The following ADCY3 variants were observed in gnomAD, a reference collection of about 807,000 sequenced individuals.
ADCY3 encodes adenylate cyclase 3.
In ADCY3, 70 loss-of-function variants were observed where a neutral mutation model predicts 119.4. The observed-to-expected ratio is 0.59, with a 90% CI of 0.48 to 0.72. The LOEUF (loss-of-function observed/expected upper bound fraction) is 0.72, where lower values mean the gene tolerates loss of function less well. Among genes scored for constraint, ADCY3 ranks in the 30% least tolerant of loss-of-function variants. The pLI is 0.00. For missense variants in ADCY3, 1,238 were observed against 1,541.6 expected (o/e 0.80, Z 3.30); for synonymous variants, 672 against 621.4 (o/e 1.08, Z -1.21).
rs1430045223 is a variant in ADCY3 at position 24,887,028 on chromosome 2, G to C, written c.676-14309C>G. Among the ~76,000 whole-genome samples the C allele has an allele frequency of 7.2e-5, 11 of 152,194 alleles. No individual in the cohort carries two copies. The East Asian group carries it at 2.1e-3, about 29-fold the overall frequency. On this transcript the variant is annotated intron_variant, in intron 2 of 21. Coordinates refer to ENST00000679454, the MANE Select transcript of ADCY3 (RefSeq NM_004036.5). ...TTTCTTCCTGTATTAGTCCGTTTTT[G>C]TACTGCTATAAATAACTGCCTGTGA...
At position 24,918,190 on chromosome 2, in the gene ADCY3, A is replaced by C. The variant is rs772148150; in HGVS notation, c.675+123T>G. 9.4e-7 allele frequency: 1 copy of C among 1,068,128 alleles called. No homozygotes were observed. The highest frequency in any genetic ancestry group is 2.4e-5 in the East Asian group (1 of 41,308). The allele number at this position is 1,068,128 out of a possible 1,614,324, so 66.2% of individuals were successfully genotyped here. A position where few individuals can be genotyped will look rare whatever the true frequency, so the allele number is the denominator to read the frequency against. On this transcript the variant is annotated intron_variant, in intron 2 of 21. Coordinates refer to ENST00000679454, the MANE Select transcript of ADCY3 (RefSeq NM_004036.5). This position sits in a 1 kb window ranked among gnomAD's most constrained non-coding sequence, Gnocchi z 5.4. ...GGCAGGGACTAGGGAGAGAGGTGAG[A>C]GCCCCGGAGGCCCCCAGGACACATT... is the stretch of plus-strand genomic sequence containing the variant.
Position 24,841,453 on chromosome 2 carries a change from A to G in ADCY3, c.1069-67T>C. ...GTGAGGGAGGAGTGGCCAAGAAAGC[A>G]GAGGAAGGACAGTGGGAGAAAATCA... is the stretch of plus-strand genomic sequence containing the variant. On this transcript the variant is annotated intron_variant, in intron 5 of 21. Transcript: ENST00000679454. The surrounding 1 kb of genome is among the most constrained non-coding windows in gnomAD (Gnocchi z 5.8). 1 of 1,596,498 alleles carries G rather than the reference A, an allele frequency of 6.3e-7. No homozygotes were observed. Among genetic ancestry groups the G allele is most frequent in the Non-Finnish European group, 8.5e-7 (1 of 1,170,112 alleles).
intron 3 of ADCY3, among the ~76,000 whole-genome samples, chr2:24,866,487 GTT>G (rs1674312986): frequency 7.6e-6 from 1 of 131,888 alleles, no homozygotes; most frequent in African/African-American, 2.8e-5. Context: ...TGGGGTGGGA[GTT>G]TTGCTTGAGC....
intron 3 of ADCY3, among the ~76,000 whole-genome samples, chr2:24,863,533 A>AT (rs1481763554): frequency 6.6e-6 from 1 of 152,188 alleles, no homozygotes; most frequent in Non-Finnish European, 1.5e-5. Flanking sequence ...GTCCCTCTAG[A>AT]GAACCCTAAT....
intron 3 of ADCY3, among the ~76,000 whole-genome samples, chr2:24,843,102 C>G (rs1671242166): frequency 6.6e-6 from 1 of 152,238 alleles, no homozygotes; most frequent in African/African-American, 2.4e-5. Flanking sequence ...CACAAACGCA[C>G]AGACACACGC....
At chr2:24,835,539 C>T (rs917581824) in intron 9 of ADCY3, among the ~76,000 whole-genome samples, 3 of 152,300 alleles carry the variant, frequency 2.0e-5, no homozygotes, top group South Asian at 2.1e-4. Flanking sequence ...ACTCCAAAAA[C>T]AGGAATCCTG....
At chr2:24,912,718 C>T (rs1011172526) in intron 2 of ADCY3, among the ~76,000 whole-genome samples, 12 of 152,086 alleles carry the variant, frequency 7.9e-5, no homozygotes, top group Admixed American at 4.6e-4. Context: ...GACTATAAAG[C>T]GCTGATTTAA....
chr2:24,876,803 C>T (rs938137815), intron 2 of ADCY3, among the ~76,000 whole-genome samples: 3 of 152,188 alleles, frequency 2.0e-5, no homozygotes, highest in African/African-American at 4.8e-5. Context: ...TGAACCCTAG[C>T]GAGAATCTGA....
At chr2:24,884,843 CT>C (rs36007978) in intron 2 of ADCY3, among the ~76,000 whole-genome samples, 74,948 of 151,886 alleles carry the variant, frequency 0.49, 20,309 homozygotes, top group African/African-American at 0.73. Context: ...CTTTTACCAT[CT>C]TTTTTCCCTT....
chr2:24,833,485 A>G (rs909179807), intron 11 of ADCY3, among the ~76,000 whole-genome samples: 1 of 152,140 alleles, frequency 6.6e-6, no homozygotes, highest in Non-Finnish European at 1.5e-5. Context: ...AAATGCAAAC[A>G]AAACAAAACA....
intron 2 of ADCY3, among the ~76,000 whole-genome samples, chr2:24,909,763 C>T (rs1663348501): frequency 6.6e-6 from 1 of 152,162 alleles, no homozygotes; most frequent in Non-Finnish European, 1.5e-5. Flanking sequence ...CCCCAGCATC[C>T]CCCATGTGCC....
At chr2:24,844,079 A>G (rs965375154) in intron 3 of ADCY3, among the ~76,000 whole-genome samples, 7 of 152,258 alleles carry the variant, frequency 4.6e-5, no homozygotes, top group African/African-American at 1.7e-4. Context: ...AAGTGTGTCC[A>G]GCAAGGGGCC....
chr2:24,901,289 C>T (rs997925746), intron 2 of ADCY3, among the ~76,000 whole-genome samples: 10 of 152,176 alleles, frequency 6.6e-5, no homozygotes, highest in Admixed American at 3.9e-4. Context: ...CTCCAACTTT[C>T]GGAGTATTTT....
At chr2:24,849,812 C>A (rs1305380861) in intron 3 of ADCY3, among the ~76,000 whole-genome samples, 1 of 152,180 alleles carries the variant, frequency 6.6e-6, no homozygotes, top group South Asian at 2.1e-4. Context: ...CCTGCCACCC[C>A]CCAAGCCTCA....
chr2:24,879,670 A>C (rs894552247), intron 2 of ADCY3, among the ~76,000 whole-genome samples: 1 of 152,038 alleles, frequency 6.6e-6, no homozygotes, highest in Non-Finnish European at 1.5e-5. Context: ...TCTTATTCTC[A>C]TTTTGCAAGA....
chr2:24,834,957 G>GT lies in ADCY3; in HGVS notation c.1663-22dup. 6.2e-7 allele frequency: 1 copy of GT among 1,610,788 alleles called. No individual in the cohort carries two copies. On this transcript the variant is annotated intron_variant, in intron 9 of 21. Transcript: ENST00000679454. The surrounding 1 kb of genome is among the most constrained non-coding windows in gnomAD (Gnocchi z 4.2). ...TCGGCCTGTGAGCCAGGGAGGCAGCGTGAGTGGGGCAGATGGGACAGAGTG... is the reference window on the plus strand; with the variant it reads ...TCGGCCTGTGAGCCAGGGAGGCAGCGTTGAGTGGGGCAGATGGGACAGAGTG...
chr2:24,820,686 C>G (rs567345479), intron 21 of ADCY3, 38 bp downstream of exon 21: 13 of 1,612,070 alleles, frequency 8.1e-6, no homozygotes, highest in Admixed American at 1.7e-5. Flanking sequence ...GTTCTCATGC[C>G]GAGTCTGAGC....
intron 2 of ADCY3, among the ~76,000 whole-genome samples, chr2:24,911,335 C>T (rs1663612585): frequency 6.6e-6 from 1 of 150,852 alleles, no homozygotes; most frequent in South Asian, 2.1e-4. Context: ...ATCCCCCTCC[C>T]CAGCCTCCTG....
intron 2 of ADCY3, among the ~76,000 whole-genome samples, chr2:24,912,621 G>T (rs1663915998): frequency 6.7e-6 from 1 of 148,620 alleles, no homozygotes; most frequent in South Asian, 2.1e-4. Context: ...GTGTGTGTGT[G>T]TGTGCCTGCA....
Sources: allele counts gnomAD v4.1 joint callset (sites outside exome capture counted in the v4.1 genomes callset), GRCh38; gene constraint gnomAD v4.1.1; non-coding constraint Gnocchi (gnomAD v3.1); transcripts MANE v1.5; gene names NCBI Gene and HGNC (gene_info 2026-07-23, HGNC 2026-07-21).